The following OR2AT4 variants were observed in gnomAD, a reference collection of about 807,000 sequenced individuals.
The protein encoded by OR2AT4 is olfactory receptor family 2 subfamily AT member 4.
In OR2AT4, 6 loss-of-function variants were observed where a neutral mutation model predicts 10.3. The ratio of observed to expected loss-of-function variants is 0.58; its 90% CI spans 0.32 to 1.15. The LOEUF (loss-of-function observed/expected upper bound fraction) is 1.15, where lower values mean the gene tolerates loss of function less well. Ranked by LOEUF, OR2AT4 falls within the 50% of genes most tolerant of loss-of-function variation. The pLI, the probability that OR2AT4 is intolerant of heterozygous loss-of-function variation, is 0.05. For missense variants in OR2AT4, 354 were observed against 393.8 expected (o/e 0.90, Z 0.85); for synonymous variants, 145 against 159.1 (o/e 0.91, Z 0.67).
At chr11:75,082,804 G>A (rs184007014) in exon 2 of OR2AT4, 6 of 152,206 alleles carry the variant, frequency 3.9e-5, no homozygotes, top group Non-Finnish European at 8.8e-5. Context: ...GTAAACTGCC[G>A]GGTGCAGTGA....
At position 75,089,069 on chromosome 11, in the gene OR2AT4, G is replaced by T. The variant is rs752992836; in HGVS notation, c.645C>A (p.Pro215=). 6 of 1,614,036 alleles carry T rather than the reference G, an allele frequency of 3.7e-6. No homozygotes were observed. In the Admixed American group the frequency reaches 1.0e-4, roughly 27 times the overall value. ...CATAGGAGAGAAGCACCAGGAGAAG[G>T]GGGAGGAAGGACACCACCATGGCGA... The change falls in exon 2 of 2, where the codon CCC becomes CCA. Residue 215 remains proline (P), a synonymous_variant. Coordinates refer to ENST00000641504, the Ensembl canonical transcript of OR2AT4.
At chr11:75,086,765 A>G (rs182766071) in exon 2 of OR2AT4, 3 of 152,356 alleles carry the variant, frequency 2.0e-5, no homozygotes, top group Admixed American at 2.0e-4. Context: ...AGTACATTCT[A>G]TGAGTCTTGA....
exon 2 of OR2AT4, chr11:75,085,487 G>A (rs1949285639): frequency 6.6e-6 from 1 of 152,034 alleles, no homozygotes; most frequent in Non-Finnish European, 1.5e-5. Flanking sequence ...GAAGAGACGG[G>A]AAAGCTTCCT....
At chr11:75,093,123 T>A (rs1051962912) in intron 1 of OR2AT4, among the ~76,000 whole-genome samples, 1 of 152,174 alleles carries the variant, frequency 6.6e-6, no homozygotes, top group Non-Finnish European at 1.5e-5. Flanking sequence ...AAATGTTTTT[T>A]GTCATATTAC....
chr11:75,089,795 G>A, exon 2 of OR2AT4: 1 of 1,359,876 alleles, frequency 7.4e-7, no homozygotes, highest in Non-Finnish European at 1.0e-6. Flanking sequence ...TAGAAACAAA[G>A]GATTCTGGAG....
At chr11:75,089,492 C>A in exon 2 of OR2AT4, 4 of 1,614,078 alleles carry the variant, frequency 2.5e-6, no homozygotes, top group Non-Finnish European at 3.4e-6. Context: ...AAAGGATGTC[C>A]AAGGTGGAGA....
exon 2 of OR2AT4, chr11:75,089,408 G>A (rs375673488): frequency 5.0e-5 from 80 of 1,614,016 alleles, no homozygotes; most frequent in Non-Finnish European, 6.4e-5. Flanking sequence ...TCTGCAGTAA[G>A]CAGGAAGAAA....
chr11:75,092,938 A>G (rs1949326996), intron 1 of OR2AT4, among the ~76,000 whole-genome samples: 1 of 152,050 alleles, frequency 6.6e-6, no homozygotes, highest in South Asian at 2.1e-4. Context: ...CGTCCGTACT[A>G]AAAATAGAAA....
At position 75,085,105 on chromosome 11, in the gene OR2AT4, T is replaced by C. The variant is rs1949283803; in HGVS notation, c.*3646A>G. 3 of 151,750 alleles carry C rather than the reference T, an allele frequency of 2.0e-5. No homozygotes were observed. The South Asian group carries it at 6.2e-4, about 32-fold the overall frequency. 9.4% of individuals were successfully genotyped at this position (151,750 alleles called of 1,614,324 possible). A position where few individuals can be genotyped will look rare whatever the true frequency, so the allele number is the denominator to read the frequency against. On this transcript the variant is annotated 3_prime_UTR_variant, in exon 2 of 2. Coordinates refer to ENST00000641504, the Ensembl canonical transcript of OR2AT4. Reference sequence around the variant, plus strand: ...AACTAAATGCTGATTCTTTGAAAAATCAGTAAATTGGTAAACCTATAGCTA... The same window carrying C: ...AACTAAATGCTGATTCTTTGAAAAACCAGTAAATTGGTAAACCTATAGCTA...
chr11:75,094,807 C>T (rs982883443), intron 1 of OR2AT4, among the ~76,000 whole-genome samples: 3 of 152,102 alleles, frequency 2.0e-5, no homozygotes, highest in Non-Finnish European at 2.9e-5. Context: ...GTGAATGCTC[C>T]CTTGAAAGAG....
At chr11:75,087,516 C>A (rs1000666769) in exon 2 of OR2AT4, 1 of 152,126 alleles carries the variant, frequency 6.6e-6, no homozygotes, top group Non-Finnish European at 1.5e-5. Context: ...TGAGCCCTAG[C>A]GGTCAAGGCT....
chr11:75,088,862 G>A (rs1382506500), exon 2 of OR2AT4: 1 of 1,613,686 alleles, frequency 6.2e-7, no homozygotes, highest in Non-Finnish European at 8.5e-7. Context: ...GTGTGAGAAT[G>A]GCATATACCA....
chr11:75,093,187 G>A (rs1177756419), intron 1 of OR2AT4, among the ~76,000 whole-genome samples: 4 of 152,242 alleles, frequency 2.6e-5, no homozygotes, highest in African/African-American at 9.6e-5. Flanking sequence ...TTCCAGGTTG[G>A]AATCTAAGTT....
intron 1 of OR2AT4, 25 bp from the exon 2 acceptor site, chr11:75,090,389 A>G (rs528527988): frequency 1.8e-4 from 28 of 152,376 alleles, no homozygotes; most frequent in African/African-American, 6.5e-4. Flanking sequence ...ATAGACCATG[A>G]TAGCCCAACA....
exon 2 of OR2AT4, chr11:75,083,902 C>T: frequency 6.7e-6 from 1 of 149,550 alleles, no homozygotes; most frequent in Non-Finnish European, 1.5e-5. Flanking sequence ...ACCTGGGAGG[C>T]GGAGGCTGTG....
chr11:75,086,863 C>T (rs1262457869), exon 2 of OR2AT4: 1 of 152,204 alleles, frequency 6.6e-6, no homozygotes, highest in African/African-American at 2.4e-5. Context: ...CTATTAATCC[C>T]TCCCTTCTCC....
At chr11:75,084,106 A>G (rs1192558141) in exon 2 of OR2AT4, 2 of 152,242 alleles carry the variant, frequency 1.3e-5, no homozygotes, top group African/African-American at 4.8e-5. Flanking sequence ...GGATCAGAAA[A>G]CCATGTACTG....
chr11:75,084,475 A>G (rs1949280770), exon 2 of OR2AT4: 1 of 152,250 alleles, frequency 6.6e-6, no homozygotes, highest in Non-Finnish European at 1.5e-5. Context: ...GTTAAGATAT[A>G]GAAGGTCTAA....
intron 1 of OR2AT4, among the ~76,000 whole-genome samples, chr11:75,092,122 G>A (rs964338023): frequency 6.6e-6 from 1 of 152,076 alleles, no homozygotes; most frequent in African/African-American, 2.4e-5. Context: ...CATCCAAATG[G>A]CCAATAAGCA....
Sources: allele counts gnomAD v4.1 joint callset (sites outside exome capture counted in the v4.1 genomes callset), GRCh38; gene constraint gnomAD v4.1.1; transcripts MANE v1.5; gene names NCBI Gene and HGNC (gene_info 2026-07-23, HGNC 2026-07-21).